The following SPIDR variants were observed in gnomAD, a reference collection of about 807,000 sequenced individuals.
The protein encoded by SPIDR is DNA repair-scaffolding protein.
SPIDR carries 93 observed loss-of-function variants against 104.6 expected under a neutral mutation model. That is an observed-to-expected ratio of 0.89 (90% CI 0.75 to 1.06). The LOEUF is 1.06. Among genes scored for constraint, SPIDR ranks in the 50% least tolerant of loss-of-function variants. SPIDR has a pLI of 0.00. For synonymous variants in SPIDR, 431 were observed against 416.9 expected, an observed-to-expected ratio of 1.03 and a Z score of -0.41; for missense variants, 1,154 against 1,111.2, an observed-to-expected ratio of 1.04 and a Z score of -0.55.
At chr8:47,434,225 G>T (rs1474345763) in intron 7 of SPIDR, among the ~76,000 whole-genome samples, 1 of 152,170 alleles carries the variant, frequency 6.6e-6, no homozygotes, top group African/African-American at 2.4e-5. Context: ...CTGTCCACAT[G>T]GGAAGCAGAT....
At chr8:47,277,669 CTTTT>C (rs1209041690) in intron 1 of SPIDR, among the ~76,000 whole-genome samples, 4 of 110,502 alleles carry the variant, frequency 3.6e-5, no homozygotes, top group Non-Finnish European at 5.6e-5. Context: ...TGTTTAACCT[CTTTT>C]TTTTTTTTTT....
chr8:47,588,234 T>G (rs993130638), intron 8 of SPIDR, among the ~76,000 whole-genome samples: 3 of 150,446 alleles, frequency 2.0e-5, no homozygotes, highest in African/African-American at 7.3e-5. Context: ...TGTTAAGATC[T>G]TTGATTTATT....
At chr8:47,438,268 T>C (rs2068734183) in intron 7 of SPIDR, among the ~76,000 whole-genome samples, 1 of 152,192 alleles carries the variant, frequency 6.6e-6, no homozygotes, top group Admixed American at 6.5e-5. Flanking sequence ...AGGGGAGGTT[T>C]CAGGCCTGTG....
rs369971916 is a variant in SPIDR at position 47,576,889 on chromosome 8, T to G, written c.1098-18922T>G. ...TATTATGGCTTGTATGTGACAAAACTGAGACTTGAATTCGTGTCTTTAGAA... is the reference window on the plus strand; with the variant it reads ...TATTATGGCTTGTATGTGACAAAACGGAGACTTGAATTCGTGTCTTTAGAA... On this transcript the variant is annotated intron_variant, in intron 8 of 19. Transcript: ENST00000297423. Among the ~76,000 whole-genome samples, 581 of 152,360 alleles carry G rather than the reference T, an allele frequency of 3.8e-3. 3 individuals are homozygous for G. Among genetic ancestry groups the G allele is most frequent in the South Asian group, 0.023 (109 of 4,828 alleles).
intron 5 of SPIDR, among the ~76,000 whole-genome samples, chr8:47,377,767 C>T (rs1283398460): frequency 2.0e-5 from 3 of 152,170 alleles, no homozygotes; most frequent in Non-Finnish European, 4.4e-5. Flanking sequence ...GAACTCAGTT[C>T]CCAAGTGGCC....
chr8:47,448,773 T>C (rs1026895756), intron 8 of SPIDR, among the ~76,000 whole-genome samples: 2 of 152,004 alleles, frequency 1.3e-5, no homozygotes, highest in African/African-American at 2.4e-5. Context: ...AAAAGGGCTA[T>C]GTTAGAAAGA....
chr8:47,682,283 A>C (rs1235879161), intron 11 of SPIDR, among the ~76,000 whole-genome samples: 1 of 149,944 alleles, frequency 6.7e-6, no homozygotes, highest in Non-Finnish European at 1.5e-5. Flanking sequence ...AAACCCAGAC[A>C]CAAAAGGTCT....
chr8:47,397,964 C>T (rs2061430767), intron 6 of SPIDR, among the ~76,000 whole-genome samples: 1 of 152,110 alleles, frequency 6.6e-6, no homozygotes, highest in Admixed American at 6.5e-5. Flanking sequence ...AGAGCCCCAG[C>T]TTGAAGACAC....
chr8:47,592,537 T>G (rs2061156321), intron 8 of SPIDR: 2 of 1,357,598 alleles, frequency 1.5e-6, no homozygotes, highest in South Asian at 1.2e-5. Context: ...CTGGTTCTGC[T>G]TTGATGCCAG....
chr8:47,611,820 G>T (rs1257975593), intron 10 of SPIDR, among the ~76,000 whole-genome samples: 2 of 152,128 alleles, frequency 1.3e-5, no homozygotes, highest in Non-Finnish European at 2.9e-5. Flanking sequence ...GATGATAGAA[G>T]AATTAAAATA....
At chr8:47,494,196 C>T (rs1230633490) in intron 8 of SPIDR, among the ~76,000 whole-genome samples, 2 of 152,094 alleles carry the variant, frequency 1.3e-5, no homozygotes, top group African/African-American at 4.8e-5. Flanking sequence ...CTATGTTGCC[C>T]AGGCTGGTCT....
chr8:47,443,767 A>G (rs1429746289), intron 8 of SPIDR, among the ~76,000 whole-genome samples: 2 of 149,678 alleles, frequency 1.3e-5, no homozygotes, highest in Non-Finnish European at 3.0e-5. Flanking sequence ...TAACATGGGC[A>G]CAGTTTTTTA....
chr8:47,487,934 C>A (rs1200107497), intron 8 of SPIDR, among the ~76,000 whole-genome samples: 4 of 152,012 alleles, frequency 2.6e-5, no homozygotes, highest in African/African-American at 9.7e-5. Flanking sequence ...CCTAACATCA[C>A]AATTAAAAGA....
At chr8:47,735,113 T>TGTGG (rs2086046193) in intron 19 of SPIDR, among the ~76,000 whole-genome samples, 194 bp from the exon 20 acceptor site, 1 of 125,438 alleles carries the variant, frequency 8.0e-6, no homozygotes, top group Non-Finnish European at 1.7e-5. Context: ...TGTGTGTGGG[T>TGTGG]GTGTGTGTGT....
Position 47,729,498 on chromosome 8 carries a change from A to G in SPIDR, c.2604+33A>G, listed in dbSNP as rs977469857. 7.0e-6 allele frequency: 11 copies of G among 1,575,684 alleles called. No homozygotes were observed. The African/African-American group carries it at 1.3e-4, about 19-fold the overall frequency. On this transcript the variant is annotated intron_variant, in intron 19 of 19. Transcript: ENST00000297423. ...CAGGGGGCCCAGCCCAGGGGGCCGC[A>G]CACTCAGTAGCCTGCATGAGCAACT...
chr8:47,315,019 C>T (rs958907571), intron 5 of SPIDR, among the ~76,000 whole-genome samples: 1 of 152,040 alleles, frequency 6.6e-6, no homozygotes, highest in East Asian at 1.9e-4. Context: ...GACTTCAAGA[C>T]AGTACTGGAG....
At chr8:47,557,226 C>T (rs1266077841) in intron 8 of SPIDR, among the ~76,000 whole-genome samples, 1 of 152,078 alleles carries the variant, frequency 6.6e-6, no homozygotes, top group Admixed American at 6.6e-5. Context: ...AAGTATGCCT[C>T]CATGAAGTGG....
intron 5 of SPIDR, among the ~76,000 whole-genome samples, chr8:47,365,751 A>G (rs1443238303): frequency 6.6e-6 from 1 of 152,188 alleles, no homozygotes. Flanking sequence ...TAATTCATTC[A>G]TGCAGAGGCA....
At chr8:47,286,591 A>G (rs2154232204) in intron 3 of SPIDR, among the ~76,000 whole-genome samples, 1 of 152,240 alleles carries the variant, frequency 6.6e-6, no homozygotes, top group South Asian at 2.1e-4. Flanking sequence ...TCGCTTACAA[A>G]AAATTACATG....
Sources: allele counts gnomAD v4.1 joint callset (sites outside exome capture counted in the v4.1 genomes callset), GRCh38; gene constraint gnomAD v4.1.1; transcripts MANE v1.5; gene names NCBI Gene and HGNC (gene_info 2026-07-23, HGNC 2026-07-21).